Variants in USP53 observed in about 807,000 individuals in gnomAD.
USP53 encodes ubiquitin specific peptidase 53.
In USP53, 71 loss-of-function variants were observed where a neutral mutation model predicts 94.9. The ratio of observed to expected loss-of-function variants is 0.75; its 90% CI spans 0.62 to 0.91. The LOEUF is 0.91. Among genes scored for constraint, USP53 ranks in the 40% least tolerant of loss-of-function variants. USP53 has a pLI of 0.00. For synonymous variants in USP53, 375 were observed against 422.7 expected (o/e 0.89, Z 1.39); for missense variants, 1,173 against 1,281.0 (o/e 0.92, Z 1.29).
intron 12 of USP53, among the ~76,000 whole-genome samples, chr4:119,265,797 A>G (rs1262419800): frequency 6.6e-6 from 1 of 152,184 alleles, no homozygotes; most frequent in Non-Finnish European, 1.5e-5. Flanking sequence ...TGTTCTTAAA[A>G]GTCCCCTTGC....
chr4:119,265,911 A>G (rs1439399141), intron 12 of USP53, among the ~76,000 whole-genome samples: 1 of 152,184 alleles, frequency 6.6e-6, no homozygotes, highest in Non-Finnish European at 1.5e-5. Context: ...ATTAAAATAC[A>G]CCCATTTTAA....
rs998830287 is a variant in USP53, at chr4:119,230,501, A to G, written c.-664-4789A>G. ...CATATGACCTAATGCCTTAGTGTCC[A>G]TGACCCTTGATAGGTGTCCCTCTCA... On this transcript the variant is annotated intron_variant, in intron 3 of 18. Transcript: ENST00000692078. 2.6e-5 allele frequency among the ~76,000 whole-genome samples: 4 copies of G among 152,330 alleles called. No individual in the cohort carries two copies. In the East Asian group the frequency reaches 7.7e-4, roughly 29 times the overall value.
chr4:119,245,349 T>C lies in USP53; in HGVS notation c.157T>C (p.Leu53=), dbSNP rs746282915. The C allele has an allele frequency of 1.2e-6, 2 of 1,613,756 alleles. No individual in the cohort carries two copies. The highest frequency in any genetic ancestry group is 1.7e-6 in the Non-Finnish European group (2 of 1,179,824). The change falls in exon 6 of 19, where the codon TTG becomes CTG. Residue 53 remains leucine, a synonymous_variant. Transcript: ENST00000692078. ...CCCTGTTTTTTAGGTTTTATGGCAA[T>C]TGGATATATTCCGACGAAGCTTGCG... ...LNSAVQVLWQ[L]DIFRRSLRVL...
chr4:119,231,545 C>T (rs1307755421), intron 3 of USP53, among the ~76,000 whole-genome samples: 1 of 152,114 alleles, frequency 6.6e-6, no homozygotes, highest in East Asian at 1.9e-4. Flanking sequence ...CTTTCAAGTA[C>T]TGTACTATAA....
At chr4:119,277,965 C>G (rs1352532221) in intron 17 of USP53, among the ~76,000 whole-genome samples, 1 of 134,840 alleles carries the variant, frequency 7.4e-6, no homozygotes, top group Non-Finnish European at 1.6e-5. Flanking sequence ...AGATCTTCCT[C>G]CATCCTTTTA....
chr4:119,225,909 A>G (rs1271889849), intron 3 of USP53, among the ~76,000 whole-genome samples: 1 of 152,246 alleles, frequency 6.6e-6, no homozygotes, highest in Non-Finnish European at 1.5e-5. Flanking sequence ...GTTTTGATAA[A>G]TTGGCATCAT....
At chr4:119,289,239 T>G (rs1006294964) in intron 17 of USP53, among the ~76,000 whole-genome samples, 5 of 152,148 alleles carry the variant, frequency 3.3e-5, no homozygotes, top group Non-Finnish European at 7.4e-5. Flanking sequence ...TTGTTACTGT[T>G]TCATCAAGCA....
intron 7 of USP53, among the ~76,000 whole-genome samples, chr4:119,249,878 AT>A (rs1183521160): frequency 6.6e-6 from 1 of 151,772 alleles, no homozygotes; most frequent in African/African-American, 2.4e-5. Context: ...GTTAGCCAGG[AT>A]GGTCTCGATC....
chr4:119,248,940 G>A (rs952168915), intron 7 of USP53, 58 bp downstream of exon 7: 3 of 1,589,216 alleles, frequency 1.9e-6, no homozygotes, highest in Non-Finnish European at 2.6e-6. Flanking sequence ...TCCTTAGATG[G>A]TACAAGTGTT....
rs375377342 is a variant in USP53 at position 119,245,375 on chromosome 4, G to T, written c.183G>T (p.Arg61=). 4 of 1,613,660 alleles carry T rather than the reference G, an allele frequency of 2.5e-6. No individual in the cohort carries two copies. Among genetic ancestry groups the T allele is most frequent in the Admixed American group, 1.7e-5 (1 of 59,980 alleles). ...TGGATATATTCCGACGAAGCTTGCG[G>T]GTTTTGACTGGACATGTTTGTCAGG... The part of the protein sequence containing the change: ...WQLDIFRRSL[R]VLTGHVCQGD... The change falls in exon 6 of 19, where the codon CGG becomes CGT. Residue 61 remains arginine, a synonymous_variant. Transcript: ENST00000692078.
chr4:119,233,886 G>A (rs922906970), intron 3 of USP53, among the ~76,000 whole-genome samples: 1 of 152,174 alleles, frequency 6.6e-6, no homozygotes, highest in South Asian at 2.1e-4. Flanking sequence ...GTGTCTTTGT[G>A]TAATTTCATG....
chr4:119,273,139 T>C (rs1752083426), intron 16 of USP53: 2 of 152,494 alleles, frequency 1.3e-5, no homozygotes, highest in African/African-American at 4.8e-5. Context: ...AAAGATCTCA[T>C]CATCTCTAGG....
intron 17 of USP53, among the ~76,000 whole-genome samples, chr4:119,274,528 G>C (rs1409372675): frequency 6.6e-6 from 1 of 151,976 alleles, no homozygotes; most frequent in Non-Finnish European, 1.5e-5. Flanking sequence ...CCAAGTCTTT[G>C]CTATTGTGAA....
At chr4:119,266,736 T>C (rs887102024) in intron 12 of USP53, among the ~76,000 whole-genome samples, 1 of 152,140 alleles carries the variant, frequency 6.6e-6, no homozygotes, top group Non-Finnish European at 1.5e-5. Flanking sequence ...TTCTTAATGG[T>C]GTCTTTCCAA....
intron 4 of USP53, among the ~76,000 whole-genome samples, chr4:119,237,394 G>T (rs912220101): frequency 6.6e-6 from 1 of 152,072 alleles, no homozygotes. Flanking sequence ...CCGCCCCCTC[G>T]CCCGTCACGC....
At position 119,293,180 on chromosome 4, in the gene USP53, G is replaced by T. The variant is rs1255467593; in HGVS notation, c.3191G>T (p.Ser1064Ile). 2.5e-6 allele frequency: 4 copies of T among 1,606,336 alleles called. No homozygotes were observed. The East Asian group carries it at 8.9e-5, about 36-fold the overall frequency. ...AGGCCCAAGCTCTCTTTTCCAGAGA[G>T]CAGTGGCTTTTGTAATAATTCACTA... is the stretch of plus-strand genomic sequence containing the variant. ...HQRPKLSFPE[S>I]SGFCNNSLS Residue 1064 changes from serine to isoleucine, a missense_variant, in exon 19 of 19, where the codon AGC becomes ATC. Ser to Ile is a moderately radical substitution (Grantham distance 142). Coordinates refer to ENST00000692078, the MANE Select transcript of USP53 (RefSeq NM_001371395.1).
At chr4:119,254,968 A>G (rs1749554279) in intron 7 of USP53, among the ~76,000 whole-genome samples, 1 of 152,086 alleles carries the variant, frequency 6.6e-6, no homozygotes, top group Non-Finnish European at 1.5e-5. Flanking sequence ...TTTTCCTTCT[A>G]ACAGACAGGC....
At chr4:119,259,248 TC>T (rs1750159101) in intron 9 of USP53, among the ~76,000 whole-genome samples, 1 of 135,664 alleles carries the variant, frequency 7.4e-6, no homozygotes, top group South Asian at 2.7e-4. Context: ...ACCATTGCAC[TC>T]CAGCCTGGGC....
Position 119,286,852 on chromosome 4 carries a change from T to G in USP53, c.2252-4313T>G, listed in dbSNP as rs556022358. ...CATCTTTTTTTAATCATAAAATAGC[T>G]GTTGAAAAGATTGGCAAAGTTTTCG... On this transcript the variant is annotated intron_variant, in intron 17 of 18. Coordinates refer to ENST00000692078, the MANE Select transcript of USP53 (RefSeq NM_001371395.1). Among the ~76,000 whole-genome samples, 11 of 152,194 alleles carry G rather than the reference T, an allele frequency of 7.2e-5. No individual in the cohort carries two copies. The South Asian group carries it at 2.3e-3, about 32-fold the overall frequency.
Sources: gnomAD v4.1 joint callset for allele counts (sites outside exome capture counted in the v4.1 genomes callset) on GRCh38, gnomAD v4.1.1 for gene constraint, MANE v1.5 for transcripts, NCBI Gene and HGNC (gene_info 2026-07-23, HGNC 2026-07-21) for gene names.